NOSIP: variants seen among roughly 807,000 people sequenced by gnomAD.
NOSIP encodes the protein nitric oxide synthase interacting protein.
Under a neutral mutation model 36.4 loss-of-function variants are expected in NOSIP, and 25 were observed. The observed-to-expected ratio is 0.69, with a 90% CI of 0.50 to 0.96. The LOEUF (loss-of-function observed/expected upper bound fraction) is 0.96, where lower values mean the gene tolerates loss of function less well. NOSIP is among the 40% of genes least tolerant of loss of function. The pLI, the probability that NOSIP is intolerant of heterozygous loss-of-function variation, is 0.00. For synonymous variants in NOSIP, 187 were observed against 179.2 expected (o/e 1.04, Z -0.35); for missense variants, 370 against 429.0 (o/e 0.86, Z 1.21).
Position 49,556,357 on chromosome 19 carries a change from C to T in NOSIP, c.794G>A (p.Gly265Glu). 6.2e-7 allele frequency: 1 copy of T among 1,613,650 alleles called. No homozygotes were observed. Among genetic ancestry groups the T allele is most frequent in the Non-Finnish European group, 8.5e-7 (1 of 1,179,858 alleles). The change falls in exon 8 of 9, where the codon GGA becomes GAA. Residue 265 changes from glycine to glutamate, a missense_variant. Physicochemically the swap from Gly to Glu is moderately conservative, Grantham distance 98. Around this residue, in one of 3 missense-constraint regions of NOSIP, gnomAD observed 315 missense variants for 331.9 expected, o/e 0.95. Coordinates refer to ENST00000596358, the MANE Select transcript of NOSIP (RefSeq NM_001270960.2). ...GATGTCGCGGTCTGTGAGTTTGTCT[C>T]CAGTCACAGGGTCCACCATGTCCTT... is the stretch of plus-strand genomic sequence containing the variant. ...IRKDMVDPVT[G>E]DKLTDRDIIV... is the part of the protein sequence containing the mutation.
At chr19:49,573,079 G>C (rs1487386218) in intron 1 of NOSIP, among the ~76,000 whole-genome samples, 1 of 151,638 alleles carries the variant, frequency 6.6e-6, no homozygotes, top group Non-Finnish European at 1.5e-5. Flanking sequence ...ACACTCCACT[G>C]AATATCACAG....
intron 1 of NOSIP, among the ~76,000 whole-genome samples, chr19:49,576,661 G>A (rs959432867): frequency 6.6e-6 from 1 of 151,542 alleles, no homozygotes; most frequent in Non-Finnish European, 1.5e-5. Context: ...GAGGTGGGCG[G>A]ATCACCTGAG....
At chr19:49,564,453 C>CTAAAAAAAAA (rs2080377154) in intron 1 of NOSIP, among the ~76,000 whole-genome samples, 1 of 42,558 alleles carries the variant, frequency 2.3e-5, no homozygotes, top group Non-Finnish European at 4.9e-5. Flanking sequence ...GACTCCATCT[C>CTAAAAAAAAA]AAAAAAAAAA....
intron 1 of NOSIP, among the ~76,000 whole-genome samples, chr19:49,575,975 C>T (rs2080547477): frequency 6.6e-6 from 1 of 151,998 alleles, no homozygotes; most frequent in African/African-American, 2.4e-5. Context: ...ACTAATAATA[C>T]AAAAACAAAA....
intron 1 of NOSIP, among the ~76,000 whole-genome samples, chr19:49,576,114 G>C (rs961499816): frequency 6.6e-6 from 1 of 151,816 alleles, no homozygotes; most frequent in Non-Finnish European, 1.5e-5. Context: ...CAGCCTGAGC[G>C]ACAGAGCGAG....
chr19:49,567,507 T>C (rs940067221), intron 1 of NOSIP, among the ~76,000 whole-genome samples: 1 of 152,076 alleles, frequency 6.6e-6, no homozygotes, highest in Non-Finnish European at 1.5e-5. Flanking sequence ...AGAGAGCCAC[T>C]CCTCACAACT....
intron 1 of NOSIP, chr19:49,579,195 T>C (rs983742735): frequency 6.6e-5 from 10 of 152,214 alleles, no homozygotes; most frequent in African/African-American, 2.4e-4. Context: ...CTGCACCACG[T>C]AATGGATAGT....
At chr19:49,579,834 A>T (rs981471425) in intron 1 of NOSIP, among the ~76,000 whole-genome samples, 1 of 152,182 alleles carries the variant, frequency 6.6e-6, no homozygotes, top group African/African-American at 2.4e-5. Flanking sequence ...TTTGGGTGAC[A>T]GGAATTCCTG....
chr19:49,557,197 C>T lies in NOSIP; in HGVS notation c.311G>A (p.Arg104Gln). ...TRREEQKELQ[R>Q]AASQDHVRGF... ...CCGCACATGGTCCTGCGAGGCCGCC[C>T]GCTGAAGCTCCTTCTGCTCCTCGCG... Residue 104 changes from arginine (R) to glutamine (Q), a missense_variant, in exon 5 of 9, where the codon CGG (arginine) becomes CAG (glutamine). Around this residue, in one of 3 missense-constraint regions of NOSIP, gnomAD observed 315 missense variants for 331.9 expected, o/e 0.95. Coordinates refer to ENST00000596358, the MANE Select transcript of NOSIP (RefSeq NM_001270960.2). The T allele has an allele frequency of 6.2e-7, 1 of 1,605,112 alleles. No individual in the cohort carries two copies. Among genetic ancestry groups the T allele is most frequent in the Non-Finnish European group, 8.5e-7 (1 of 1,176,368 alleles).
chr19:49,575,719 C>A (rs1233971636), intron 1 of NOSIP, among the ~76,000 whole-genome samples: 4 of 152,226 alleles, frequency 2.6e-5, no homozygotes. Context: ...GCCACAGACA[C>A]ACAAACGGGC....
In NOSIP at chr19:49,556,546, C is replaced by T; in HGVS notation, c.725+3G>A. ...CCCTTCCCTCCCCTCCCAGGTGACTCACGAGGGCCGCAGCACAGCGCAGGG... is the reference window on the plus strand; with the variant it reads ...CCCTTCCCTCCCCTCCCAGGTGACTTACGAGGGCCGCAGCACAGCGCAGGG... On this transcript the variant is annotated splice_donor_region_variant and intron_variant, in intron 7 of 8. Transcript: ENST00000596358. 4 of 1,603,758 alleles carry T rather than the reference C, an allele frequency of 2.5e-6. No homozygotes were observed. The highest frequency in any genetic ancestry group is 3.4e-6 in the Non-Finnish European group (4 of 1,177,066).
chr19:49,576,029 G>A (rs765221661), intron 1 of NOSIP, among the ~76,000 whole-genome samples: 10 of 152,044 alleles, frequency 6.6e-5, no homozygotes, highest in East Asian at 1.9e-4. Context: ...CAGCTACTCC[G>A]GAAGCTGAGG....
chr19:49,561,740 G>A (rs1205632210), intron 1 of NOSIP, among the ~76,000 whole-genome samples: 1 of 151,982 alleles, frequency 6.6e-6, no homozygotes, highest in African/African-American at 2.4e-5. Context: ...AAATTAGCTG[G>A]GCGTGGTGGC....
At chr19:49,578,425 A>G (rs902032659) in intron 1 of NOSIP, among the ~76,000 whole-genome samples, 2 of 152,076 alleles carry the variant, frequency 1.3e-5, no homozygotes, top group South Asian at 2.1e-4. Flanking sequence ...TGCCTGCCCA[A>G]TGGGGATTTT....
At chr19:49,578,742 G>C (rs1183230208) in intron 1 of NOSIP, among the ~76,000 whole-genome samples, 1 of 151,712 alleles carries the variant, frequency 6.6e-6, no homozygotes, top group Admixed American at 6.6e-5. Context: ...TGCCTCCCGG[G>C]TTCACGCAAT....
At chr19:49,575,814 T>A (rs1032161623) in intron 1 of NOSIP, among the ~76,000 whole-genome samples, 3 of 152,200 alleles carry the variant, frequency 2.0e-5, no homozygotes, top group African/African-American at 7.2e-5. Context: ...TTCATTCTTT[T>A]GGTTTTTTCC....
At chr19:49,576,884 CAAAA>C (rs58441193) in intron 1 of NOSIP, among the ~76,000 whole-genome samples, 118 of 47,386 alleles carry the variant, frequency 2.5e-3, no homozygotes, top group African/African-American at 6.4e-3. Flanking sequence ...AACTCTGTCT[CAAAA>C]AAAAAAAAAA....
chr19:49,577,095 CA>C (rs1016299027), intron 1 of NOSIP, among the ~76,000 whole-genome samples: 1 of 151,972 alleles, frequency 6.6e-6, no homozygotes. Context: ...TGACTATAAT[CA>C]AAAAGATAAA....
intron 1 of NOSIP, among the ~76,000 whole-genome samples, chr19:49,577,623 G>T (rs2080570487): frequency 6.6e-6 from 1 of 151,846 alleles, no homozygotes; most frequent in Non-Finnish European, 1.5e-5. Flanking sequence ...AGCTGGCTGG[G>T]CGCCGATGGC....
Sources: allele counts gnomAD v4.1 joint callset (sites outside exome capture counted in the v4.1 genomes callset), GRCh38; gene constraint gnomAD v4.1.1; regional missense constraint gnomAD v4.1.1; transcripts MANE v1.5; gene names NCBI Gene and HGNC (gene_info 2026-07-23, HGNC 2026-07-21).